The following MLLT3 variants were observed in gnomAD, a reference collection of about 807,000 sequenced individuals.
MLLT3 encodes MLLT3 super elongation complex subunit.
MLLT3 carries 4 observed loss-of-function variants against 53.2 expected under a neutral mutation model. The ratio of observed to expected loss-of-function variants is 0.08; its 90% CI spans 0.04 to 0.17. The LOEUF is 0.17. Among genes scored for constraint, MLLT3 ranks in the 10% least tolerant of loss-of-function variants. MLLT3 has a pLI of 1.00. For missense variants in MLLT3, 569 were observed against 684.0 expected (o/e 0.83, Z 1.87); for synonymous variants, 283 against 230.6 (o/e 1.23, Z -2.06).
chr9:20,565,943 TATA>T (rs1819351208), intron 2 of MLLT3, among the ~76,000 whole-genome samples: 2 of 120,876 alleles, frequency 1.7e-5, no homozygotes, highest in Admixed American at 8.8e-5. Flanking sequence ...TATATTTATA[TATA>T]TATATATTTA....
chr9:20,444,872 AAAAAAT>A (rs1368410884), intron 4 of MLLT3, among the ~76,000 whole-genome samples: 1 of 151,990 alleles, frequency 6.6e-6, no homozygotes, highest in African/African-American at 2.4e-5. Flanking sequence ...ACCCTATCTC[AAAAAAT>A]AAAAATAAAA....
intron 5 of MLLT3, among the ~76,000 whole-genome samples, chr9:20,371,734 G>A (rs1027870042): frequency 7.9e-5 from 12 of 152,210 alleles, no homozygotes; most frequent in African/African-American, 2.7e-4. Flanking sequence ...TTGTTTTCAT[G>A]CCTGCTAATA....
At chr9:20,575,236 A>G (rs956783042) in intron 2 of MLLT3, among the ~76,000 whole-genome samples, 5 of 152,140 alleles carry the variant, frequency 3.3e-5, no homozygotes, top group African/African-American at 1.2e-4. Flanking sequence ...TGAATCACAA[A>G]TGTTCTTAAT....
intron 2 of MLLT3, among the ~76,000 whole-genome samples, chr9:20,569,644 A>C (rs754588621): frequency 5.3e-5 from 8 of 152,190 alleles, no homozygotes; most frequent in Non-Finnish European, 8.8e-5. Context: ...AACAAGCACT[A>C]GGGAAAACTC....
intron 4 of MLLT3, among the ~76,000 whole-genome samples, chr9:20,432,673 G>T (rs898992420): frequency 3.3e-5 from 5 of 151,928 alleles, no homozygotes; most frequent in African/African-American, 1.2e-4. Context: ...TTCAGTCTAT[G>T]CACTTTAATA....
intron 2 of MLLT3, among the ~76,000 whole-genome samples, chr9:20,586,503 G>A (rs1265701508): frequency 2.0e-5 from 3 of 152,066 alleles, no homozygotes; most frequent in Non-Finnish European, 4.4e-5. Flanking sequence ...GGGGCTTAGG[G>A]GTGGCAGTGG....
intron 2 of MLLT3, among the ~76,000 whole-genome samples, chr9:20,597,707 T>A (rs948544279): frequency 6.6e-6 from 1 of 152,208 alleles, no homozygotes; most frequent in African/African-American, 2.4e-5. Flanking sequence ...CTTTGTTTTT[T>A]CTTTCTGTGA....
chr9:20,385,203 T>A (rs1246314148), intron 5 of MLLT3, among the ~76,000 whole-genome samples: 1 of 152,128 alleles, frequency 6.6e-6, no homozygotes, highest in Non-Finnish European at 1.5e-5. Context: ...CTCCTAAAGC[T>A]GGAAATTCTA....
intron 2 of MLLT3, among the ~76,000 whole-genome samples, chr9:20,610,652 T>G (rs1178392303): frequency 6.6e-6 from 1 of 152,126 alleles, no homozygotes; most frequent in Non-Finnish European, 1.5e-5. Flanking sequence ...GTATCTACAG[T>G]GATAACATAG....
At chr9:20,575,453 T>C (rs1320705769) in intron 2 of MLLT3, among the ~76,000 whole-genome samples, 1 of 152,200 alleles carries the variant, frequency 6.6e-6, no homozygotes, top group Non-Finnish European at 1.5e-5. Context: ...TTAAGGTTTG[T>C]GCAAAATTTT....
chr9:20,350,978 T>A (rs188818167), intron 10 of MLLT3, among the ~76,000 whole-genome samples: 4 of 152,296 alleles, frequency 2.6e-5, no homozygotes, highest in African/African-American at 9.6e-5. Flanking sequence ...GAGCCAGATC[T>A]GGGATAACAT....
chr9:20,389,738 C>A (rs946916425), intron 5 of MLLT3, among the ~76,000 whole-genome samples: 1 of 152,084 alleles, frequency 6.6e-6, no homozygotes, highest in Admixed American at 6.5e-5. Flanking sequence ...TACGACCACA[C>A]CGCTGACTCC....
intron 2 of MLLT3, among the ~76,000 whole-genome samples, chr9:20,565,192 C>T (rs1819318305): frequency 6.6e-6 from 1 of 151,866 alleles, no homozygotes; most frequent in South Asian, 2.1e-4. Flanking sequence ...AAAGGATGCC[C>T]CACTGAGTAT....
chr9:20,490,929 T>C (rs574459518), intron 2 of MLLT3, among the ~76,000 whole-genome samples: 2 of 152,140 alleles, frequency 1.3e-5, no homozygotes, highest in African/African-American at 4.8e-5. Context: ...AGAAAACTAA[T>C]TGGCCCATAA....
chr9:20,399,793 C>A (rs148359849), intron 5 of MLLT3, among the ~76,000 whole-genome samples: 2 of 152,116 alleles, frequency 1.3e-5, no homozygotes, highest in East Asian at 3.9e-4. Flanking sequence ...TGAAACTGTT[C>A]GAGGCTGCTA....
chr9:20,512,103 A>C (rs1817767452), intron 2 of MLLT3, among the ~76,000 whole-genome samples: 1 of 152,236 alleles, frequency 6.6e-6, no homozygotes, highest in Non-Finnish European at 1.5e-5. Flanking sequence ...TACAAGAGCA[A>C]GCTTTCAAAA....
At chr9:20,440,925 C>T (rs1334485320) in intron 4 of MLLT3, among the ~76,000 whole-genome samples, 4 of 152,046 alleles carry the variant, frequency 2.6e-5, no homozygotes, top group African/African-American at 7.2e-5. Flanking sequence ...AACTAAATTA[C>T]GGTTACTATA....
At chr9:20,550,799 C>T (rs1818907192) in intron 2 of MLLT3, among the ~76,000 whole-genome samples, 1 of 152,140 alleles carries the variant, frequency 6.6e-6, no homozygotes, top group Non-Finnish European at 1.5e-5. Flanking sequence ...ACTCTGTTGT[C>T]CAGGCTGGAC....
chr9:20,414,260 G>A lies in MLLT3; in HGVS notation c.586C>T (p.Pro196Ser), dbSNP rs2118777117. Residue 196 changes from proline (P) to serine (S), a missense_variant, in exon 5 of 11, where the codon CCT becomes TCT. This residue lies in a region of MLLT3 where 437 missense variants were observed against 376.5 expected (regional missense o/e 1.16). Coordinates refer to ENST00000380338, the MANE Select transcript of MLLT3 (RefSeq NM_004529.4). Reference sequence around the variant, plus strand: ...TTGTGCTCCTTCATTAATTTGTGAGGCTTTGAAAAACTGGTACTACTGCTG... The same window carrying A: ...TTGTGCTCCTTCATTAATTTGTGAGACTTTGAAAAACTGGTACTACTGCTG... ...SSSSSTSFSK[P>S]HKLMKEHKEK... 1.2e-6 allele frequency: 2 copies of A among 1,611,884 alleles called. No individual in the cohort carries two copies. Among genetic ancestry groups the A allele is most frequent in the Non-Finnish European group, 1.7e-6 (2 of 1,179,066 alleles).
Sources: gnomAD v4.1 joint callset for allele counts (sites outside exome capture counted in the v4.1 genomes callset) on GRCh38, gnomAD v4.1.1 for gene constraint, gnomAD v4.1.1 regional missense constraint, MANE v1.5 for transcripts, NCBI Gene and HGNC (gene_info 2026-07-23, HGNC 2026-07-21) for gene names.